Variants in PPIL3 observed in about 807,000 individuals in gnomAD.
PPIL3 encodes the protein peptidylprolyl isomerase like 3.
PPIL3 carries 13 observed loss-of-function variants against 20.9 expected under a neutral mutation model. That is an observed-to-expected ratio of 0.62 (90% CI 0.40 to 0.99). PPIL3 has a LOEUF of 0.99. Ranked by LOEUF, PPIL3 falls within the 50% of genes least tolerant of loss-of-function variation. The pLI is 0.00. For missense variants in PPIL3, 170 were observed against 195.2 expected, an observed-to-expected ratio of 0.87 and a Z score of 0.77; for synonymous variants, 71 against 64.4, an observed-to-expected ratio of 1.10 and a Z score of -0.49.
At position 200,871,354 on chromosome 2, in the gene PPIL3, T is replaced by G; in HGVS notation, c.*41A>C. On this transcript the variant is annotated 3_prime_UTR_variant, in exon 7 of 7. Coordinates refer to ENST00000392283, the MANE Select transcript of PPIL3 (RefSeq NM_130906.3). ...AACCGGGTAAACCACAATAAGTGTG[T>G]TCCAGCAATTTGTCAAGTTATTTGT... 1 of 1,575,562 alleles carries G rather than the reference T, an allele frequency of 6.3e-7. No homozygotes were observed. Among genetic ancestry groups the G allele is most frequent in the East Asian group, 2.3e-5 (1 of 44,302 alleles).
At chr2:200,881,987 ACCGCATATT>A (rs1277783142) in intron 4 of PPIL3, among the ~76,000 whole-genome samples, 2 of 152,156 alleles carry the variant, frequency 1.3e-5, no homozygotes, top group Admixed American at 6.6e-5. Flanking sequence ...AAAACCAAAC[ACCGCATATT>A]CTCACTCATA....
intron 5 of PPIL3, 152 bp from the exon 6 acceptor site, chr2:200,877,189 A>C: frequency 1.7e-6 from 1 of 601,494 alleles, no homozygotes; most frequent in Non-Finnish European, 3.0e-6. Flanking sequence ...TCTAACTCCT[A>C]GGCTCAAGTG....
At chr2:200,875,573 T>C (rs548649392) in intron 6 of PPIL3, among the ~76,000 whole-genome samples, 10 of 151,736 alleles carry the variant, frequency 6.6e-5, no homozygotes, top group African/African-American at 2.4e-4. Flanking sequence ...GCTTTTCTTT[T>C]TTTCTATCTT....
intron 2 of PPIL3, 112 bp downstream of exon 2, chr2:200,887,501 A>T: frequency 1.4e-6 from 1 of 691,634 alleles, no homozygotes. Flanking sequence ...TCTATATTAT[A>T]CAATTTCTCC....
chr2:200,884,818 C>G (rs2039870253), intron 3 of PPIL3: 1 of 151,786 alleles, frequency 6.6e-6, no homozygotes, highest in Non-Finnish European at 1.5e-5. Flanking sequence ...AATCCCAACA[C>G]TTTGGGAGGC....
intron 1 of PPIL3, among the ~76,000 whole-genome samples, chr2:200,888,116 G>T (rs115170097): frequency 0.05 from 7,414 of 148,580 alleles, 502 homozygotes; most frequent in African/African-American, 0.16. Context: ...CCCGGCTATA[G>T]AAGATATCCT....
At chr2:200,879,303 C>T (rs537639180) in intron 5 of PPIL3, among the ~76,000 whole-genome samples, 1 of 146,946 alleles carries the variant, frequency 6.8e-6, no homozygotes, top group African/African-American at 2.4e-5. Context: ...TATTTTTTGG[C>T]AGAGACGGGG....
chr2:200,882,483 T>G (rs1349500757), intron 3 of PPIL3, 48 bp from the exon 4 acceptor site: 1 of 1,182,144 alleles, frequency 8.5e-7, no homozygotes, highest in African/African-American at 1.5e-5. Context: ...GAAACCCAGT[T>G]AAGACAAAAA....
chr2:200,877,746 C>T (rs1173714774), intron 5 of PPIL3: 1 of 152,158 alleles, frequency 6.6e-6, no homozygotes, highest in African/African-American at 2.4e-5. Flanking sequence ...TAGGCTATCT[C>T]TTGATTAATG....
At chr2:200,873,114 C>T (rs943342389) in intron 6 of PPIL3, among the ~76,000 whole-genome samples, 1 of 151,882 alleles carries the variant, frequency 6.6e-6, no homozygotes, top group Non-Finnish European at 1.5e-5. Context: ...GTGATCCGCC[C>T]GCCTTGGCCT....
intron 3 of PPIL3, among the ~76,000 whole-genome samples, chr2:200,884,107 T>A (rs1305639271): frequency 6.6e-6 from 1 of 151,424 alleles, no homozygotes. Context: ...CCTTCCATCC[T>A]TGTCATTTAA....
chr2:200,878,371 C>A (rs998221312), intron 5 of PPIL3, among the ~76,000 whole-genome samples: 3 of 146,202 alleles, frequency 2.1e-5, no homozygotes, highest in Non-Finnish European at 4.5e-5. Flanking sequence ...ATTCTAATAC[C>A]TTTTTTTTTT....
At chr2:200,881,356 T>G in intron 5 of PPIL3, 65 bp downstream of exon 5, 1 of 1,191,586 alleles carries the variant, frequency 8.4e-7, no homozygotes, top group Non-Finnish European at 1.2e-6. Context: ...CTATGACACA[T>G]GTATCAAAGT....
chr2:200,878,871 A>G (rs115635831), intron 5 of PPIL3, among the ~76,000 whole-genome samples: 1,736 of 152,298 alleles, frequency 0.011, 16 homozygotes, highest in Non-Finnish European at 0.017. Context: ...ACTATGTGAT[A>G]TTTCACTACT....
chr2:200,879,338 C>T (rs913859441), intron 5 of PPIL3, among the ~76,000 whole-genome samples: 1 of 152,076 alleles, frequency 6.6e-6, no homozygotes, highest in Non-Finnish European at 1.5e-5. Flanking sequence ...CCAGCATGGT[C>T]TTGATCTCCT....
chr2:200,872,923 A>C lies in PPIL3; in HGVS notation c.360-1402T>G, dbSNP rs555969357. Among the ~76,000 whole-genome samples the C allele has an allele frequency of 1.0e-4, 15 of 148,640 alleles. No homozygotes were observed. The East Asian group carries it at 2.9e-3, about 29-fold the overall frequency. On this transcript the variant is annotated intron_variant, in intron 6 of 6. Transcript: ENST00000392283. ...GTCTCGCTCTGGTCCCCCAGACTGG[A>C]GTGCAATGGTGTGATCTCGGCTCAC... is the stretch of plus-strand genomic sequence containing the variant.
At chr2:200,871,846 T>C (rs764972185) in intron 6 of PPIL3, among the ~76,000 whole-genome samples, 1 of 152,230 alleles carries the variant, frequency 6.6e-6, no homozygotes, top group Non-Finnish European at 1.5e-5. Flanking sequence ...GAAAACAAAC[T>C]GTTTTTCTAC....
intron 6 of PPIL3, among the ~76,000 whole-genome samples, chr2:200,876,071 T>C (rs2039499157): frequency 6.6e-6 from 1 of 152,012 alleles, no homozygotes; most frequent in Non-Finnish European, 1.5e-5. Context: ...TGTGAAATGC[T>C]ATCATTAATG....
intron 6 of PPIL3, 124 bp from the exon 7 acceptor site, chr2:200,871,645 G>C: frequency 1.3e-6 from 1 of 791,274 alleles, no homozygotes; most frequent in Non-Finnish European, 1.9e-6. Flanking sequence ...TTCTCTAGTT[G>C]AATGTACAAC....
Sources: allele counts gnomAD v4.1 joint callset (sites outside exome capture counted in the v4.1 genomes callset), GRCh38; gene constraint gnomAD v4.1.1; transcripts MANE v1.5; gene names NCBI Gene and HGNC (gene_info 2026-07-23, HGNC 2026-07-21).